UBE3B: variants seen among roughly 807,000 people sequenced by gnomAD.
UBE3B encodes the protein ubiquitin-protein ligase E3B.
In UBE3B, 80 loss-of-function variants were observed where a neutral mutation model predicts 132.3. The observed-to-expected ratio is 0.60, with a 90% confidence interval of 0.50 to 0.73. UBE3B has a LOEUF of 0.73. Ranked by LOEUF, UBE3B falls within the 30% of genes least tolerant of loss-of-function variation. UBE3B has a pLI of 0.00. For synonymous variants in UBE3B, 487 were observed against 520.4 expected, an observed-to-expected ratio of 0.94 and a Z score of 0.87; for missense variants, 1,196 against 1,362.5, an observed-to-expected ratio of 0.88 and a Z score of 1.92.
At position 109,483,756 on chromosome 12, in the gene UBE3B, A is replaced by G; in HGVS notation, c.161+44A>G. Reference sequence around the variant, plus strand: ...CTAGCACATGATTCTCTGGCTCCCAATTAATAGCAGATAAATGAGTTTTTT... The same window carrying G: ...CTAGCACATGATTCTCTGGCTCCCAGTTAATAGCAGATAAATGAGTTTTTT... On this transcript the variant is annotated intron_variant, in intron 3 of 27. Coordinates refer to ENST00000342494, the MANE Select transcript of UBE3B (RefSeq NM_130466.4). The G allele has an allele frequency of 8.2e-6, 13 of 1,575,956 alleles. 1 individual carries two copies. Among genetic ancestry groups the G allele is most frequent in the South Asian group, 7.0e-5 (6 of 85,168 alleles).
chr12:109,531,021 G>GA (rs1198656838), intron 26 of UBE3B, among the ~76,000 whole-genome samples: 1 of 152,008 alleles, frequency 6.6e-6, no homozygotes, highest in Non-Finnish European at 1.5e-5. Context: ...CTTACCTTAG[G>GA]AAAATACAGA....
rs1015920433 is a variant in UBE3B at position 109,534,741 on chromosome 12, C to T, written c.3166C>T (p.Arg1056Cys). The stretch of plus-strand genomic sequence containing the variant: ...GAAGAGCGTCCTCCGCGAGAAGCTG[C>T]GCTACGCCATCAGCATGAACACGGG... The part of the protein sequence containing the change: ...SKKSVLREKL[R>C]YAISMNTGFE... Residue 1056 changes from arginine to cysteine, a missense_variant, in exon 28 of 28, where the codon CGC becomes TGC. Coordinates refer to ENST00000342494, the MANE Select transcript of UBE3B (RefSeq NM_130466.4). The surrounding 1 kb of genome is among the most constrained non-coding windows in gnomAD (Gnocchi z 5.2). 2.9e-5 allele frequency: 46 copies of T among 1,589,318 alleles called. No individual in the cohort carries two copies. Among genetic ancestry groups the T allele is most frequent in the South Asian group, 8.0e-5 (7 of 87,056 alleles).
chr12:109,524,300 G>A (rs1024681247), intron 22 of UBE3B, 138 bp from the exon 23 acceptor site: 9 of 1,345,998 alleles, frequency 6.7e-6, no homozygotes, highest in East Asian at 4.8e-5. Context: ...TCAAAGTCAC[G>A]AATGACTTTC....
intron 5 of UBE3B, 54 bp from the exon 6 acceptor site, chr12:109,486,417 A>G: frequency 7.0e-7 from 1 of 1,420,014 alleles, no homozygotes; most frequent in South Asian, 1.2e-5. Context: ...GTTAGAGCAC[A>G]AGTGATATGA....
At position 109,503,174 on chromosome 12, in the gene UBE3B, G is replaced by C; in HGVS notation, c.1434G>C (p.Arg478=). The change falls in exon 14 of 28, where the codon CGG becomes CGC. Residue 478 remains arginine (R), a synonymous_variant. Transcript: ENST00000342494. ...QTSLTTLTQI[R]LQILTGLTYL... is the part of the protein sequence containing the mutation. ...CGCTGACAACTCTCACACAGATTCGGCTGCAGATACTCACAGGTTCGCAGT... is the reference window on the plus strand; with the variant it reads ...CGCTGACAACTCTCACACAGATTCGCCTGCAGATACTCACAGGTTCGCAGT... 1.2e-6 allele frequency: 2 copies of C among 1,614,078 alleles called. No individual in the cohort carries two copies. Among genetic ancestry groups the C allele is most frequent in the Non-Finnish European group, 1.7e-6 (2 of 1,179,986 alleles).
In UBE3B at chr12:109,495,076, T is replaced by C. The variant is rs1171170348; in HGVS notation, c.714-2742T>C. ...TCTTTCTAACCTGCAGAAAAGAACA[T>C]GGTTCTCTTTTCATGTGCCCCACTC... On this transcript the variant is annotated intron_variant, in intron 9 of 27. Coordinates refer to ENST00000342494, the MANE Select transcript of UBE3B (RefSeq NM_130466.4). 2.0e-5 allele frequency among the ~76,000 whole-genome samples: 3 copies of C among 152,254 alleles called. No individual in the cohort carries two copies. In the East Asian group the frequency reaches 5.8e-4, roughly 29 times the overall value.
At chr12:109,530,205 A>G in intron 25 of UBE3B, 133 bp downstream of exon 25, 1 of 1,088,776 alleles carries the variant, frequency 9.2e-7, no homozygotes, top group Non-Finnish European at 1.3e-6. Flanking sequence ...TGGACTGGCT[A>G]GACTGCTTTG....
At chr12:109,511,171 TA>T (rs1365341353) in intron 17 of UBE3B, 32 bp from the exon 18 acceptor site, 1 of 1,605,172 alleles carries the variant, frequency 6.2e-7, no homozygotes, top group Non-Finnish European at 8.5e-7. Context: ...TTCCTTCTTT[TA>T]ATTCTCCCAA....
intron 4 of UBE3B, among the ~76,000 whole-genome samples, chr12:109,484,482 C>G (rs987308202): frequency 6.6e-6 from 1 of 152,134 alleles, no homozygotes; most frequent in African/African-American, 2.4e-5. Flanking sequence ...GTCTTCACCT[C>G]CCGGGTTCAA....
chr12:109,511,152 G>A, intron 17 of UBE3B, 52 bp from the exon 18 acceptor site: 1 of 1,554,966 alleles, frequency 6.4e-7, no homozygotes. Context: ...CCTCACACTA[G>A]AGGATGGTTT....
intron 24 of UBE3B, among the ~76,000 whole-genome samples, chr12:109,527,995 A>G (rs1882545151): frequency 6.6e-6 from 1 of 152,128 alleles, no homozygotes; most frequent in African/African-American, 2.4e-5. Flanking sequence ...CTCCCCACAT[A>G]GGCACTGGCT....
chr12:109,514,915 CTT>C (rs1261746552), intron 18 of UBE3B, among the ~76,000 whole-genome samples: 5 of 143,594 alleles, frequency 3.5e-5, no homozygotes, highest in Admixed American at 7.0e-5. Flanking sequence ...CTTTCTTCTT[CTT>C]TTTTTTTTTT....
rs200710207 is a variant in UBE3B, at chr12:109,521,560, G to GT, written c.2364+11dup. On this transcript the variant is annotated intron_variant, in intron 21 of 27. Transcript: ENST00000342494. The surrounding 1 kb of genome is among the most constrained non-coding windows in gnomAD (Gnocchi z 4.2). ...GGAAGGCTGTGTATGAGGTAGGAAC[G>GT]TTAAGAAACAGAGAAATGTAAAATA... The GT allele has an allele frequency of 0.072, 111,080 of 1,544,986 alleles. 4,560 individuals carry two copies. The highest frequency in any genetic ancestry group is 0.089 in the Middle Eastern group (511 of 5,766).
chr12:109,487,727 A>G (rs2135808815), intron 6 of UBE3B, among the ~76,000 whole-genome samples: 1 of 152,354 alleles, frequency 6.6e-6, no homozygotes, highest in South Asian at 2.1e-4. Flanking sequence ...ATGCAAAGAA[A>G]CAGACGTCAG....
At position 109,535,373 on chromosome 12, in the gene UBE3B, G is replaced by A. The variant is rs12367550; in HGVS notation, c.*591G>A. 8,809 of 152,342 alleles carry A rather than the reference G, an allele frequency of 0.058. 307 individuals are homozygous for A. Among genetic ancestry groups the A allele is most frequent in the South Asian group, 0.11 (528 of 4,830 alleles). 9.4% of individuals were successfully genotyped at this position (152,342 alleles called of 1,614,324 possible). ...GCCTGCTAGGGACGCTATGGACACC[G>A]TGAGTCCAAGGCGCTGCTCCTGCCT... On this transcript the variant is annotated 3_prime_UTR_variant, in exon 28 of 28. Transcript: ENST00000342494.
chr12:109,513,788 A>G (rs1363796569), intron 18 of UBE3B, among the ~76,000 whole-genome samples: 1 of 152,028 alleles, frequency 6.6e-6, no homozygotes, highest in Non-Finnish European at 1.5e-5. Flanking sequence ...GGCCCTCGTC[A>G]TCTCCTGCCC....
chr12:109,529,248 C>A (rs1268286159), intron 24 of UBE3B, among the ~76,000 whole-genome samples: 1 of 152,192 alleles, frequency 6.6e-6, no homozygotes, highest in African/African-American at 2.4e-5. Context: ...GGATTATATG[C>A]TTTATGCAGT....
At chr12:109,518,874 TGTC>T (rs1303256908) in intron 19 of UBE3B, among the ~76,000 whole-genome samples, 2 of 152,174 alleles carry the variant, frequency 1.3e-5, no homozygotes, top group Non-Finnish European at 1.5e-5. Flanking sequence ...TTATCCCAGT[TGTC>T]GTAATCTGGT....
rs111624771 is a variant in UBE3B, at chr12:109,525,771, G to A, written c.2569-587G>A. Among the ~76,000 whole-genome samples the A allele has an allele frequency of 2.2e-3, 338 of 152,220 alleles. 1 individual carries two copies. Among genetic ancestry groups the A allele is most frequent in the African/African-American group, 7.6e-3 (315 of 41,516 alleles). On this transcript the variant is annotated intron_variant, in intron 23 of 27. Transcript: ENST00000342494. ...AACAAAAAAAAATTAGCTCTAATAT[G>A]AGCAAAAGATGAAAAGATAATGAAA...
Sources: gnomAD v4.1 joint callset for allele counts (sites outside exome capture counted in the v4.1 genomes callset) on GRCh38, gnomAD v4.1.1 for gene constraint, Gnocchi (gnomAD v3.1) non-coding constraint, MANE v1.5 for transcripts, NCBI Gene and HGNC (gene_info 2026-07-23, HGNC 2026-07-21) for gene names.